The following ALG12 variants were observed in gnomAD, a reference collection of about 807,000 sequenced individuals.
The protein encoded by ALG12 is ALG12 alpha-1,6-mannosyltransferase, also known as dol-P-Man:Man(7)GlcNAc(2)-PP-Dol alpha-1,6-mannosyltransferase.
In ALG12, 36 loss-of-function variants were observed where a neutral mutation model predicts 46.0. That is an observed-to-expected ratio of 0.78 (90% confidence interval 0.60 to 1.03). The LOEUF is 1.03. Among genes scored for constraint, ALG12 ranks in the 50% least tolerant of loss-of-function variants. The probability of loss-of-function intolerance (pLI) is 0.00; values close to 1 mark genes in which losing one functional copy is unlikely to be tolerated. For missense variants in ALG12, 599 were observed against 633.5 expected, an observed-to-expected ratio of 0.95 and a Z score of 0.58; for synonymous variants, 326 against 291.6, an observed-to-expected ratio of 1.12 and a Z score of -1.20.
downstream of ALG12, among the ~76,000 whole-genome samples, chr22:49,895,371 GC>G (rs1327911220): frequency 6.6e-6 from 1 of 152,122 alleles, no homozygotes; most frequent in Non-Finnish European, 1.5e-5. Context: ...TTAAAAGTGG[GC>G]CAGGTGTGGT....
intron 7 of ALG12, among the ~76,000 whole-genome samples, chr22:49,907,419 G>C (rs59290303): frequency 6.6e-6 from 1 of 152,174 alleles, no homozygotes; most frequent in South Asian, 2.1e-4. Flanking sequence ...AGCCCTCAGG[G>C]AGGAGAGAGG....
At chr22:49,895,497 C>A (rs1434967273), downstream of ALG12, among the ~76,000 whole-genome samples, 3 of 151,610 alleles carry the variant, frequency 2.0e-5, no homozygotes, top group Non-Finnish European at 4.4e-5. Flanking sequence ...ACTAAAAATA[C>A]AAAAATTAGC....
intron 1 of ALG12, chr22:49,918,021 G>T: frequency 7.2e-6 from 1 of 138,622 alleles, no homozygotes; most frequent in Non-Finnish European, 1.6e-5. Flanking sequence ...CGGATGAGAG[G>T]TCCGGCCCCC....
the ALG12 span, among the ~76,000 whole-genome samples, chr22:49,894,391 A>G: frequency 6.6e-6 from 1 of 152,262 alleles, no homozygotes; most frequent in African/African-American, 2.4e-5. Context: ...GCAAACTCCA[A>G]TTAAGTGTGT....
At chr22:49,884,522 G>A in the ALG12 span, 2 of 1,614,042 alleles carry the variant, frequency 1.2e-6, no homozygotes, top group Non-Finnish European at 1.7e-6. Context: ...TCCAGGAGAA[G>A]GTCCGCTGTC....
At chr22:49,886,434 C>T in the ALG12 span, 47 of 1,584,684 alleles carry the variant, frequency 3.0e-5, no homozygotes, top group Admixed American at 8.7e-5. This position sits in a 1 kb window ranked among gnomAD's most constrained non-coding sequence, Gnocchi z 7.7. Context: ...TGATCAGCTG[C>T]GACCAGTGGG....
At chr22:49,886,335 G>A in the ALG12 span, 13 of 1,602,972 alleles carry the variant, frequency 8.1e-6, no homozygotes, top group Non-Finnish European at 1.1e-5. The surrounding 1 kb of genome is among the most constrained non-coding windows in gnomAD (Gnocchi z 7.7). Flanking sequence ...TCCCGTCCAA[G>A]TGGAGCACTT....
downstream of ALG12, among the ~76,000 whole-genome samples, chr22:49,896,525 TTG>T (rs2060484172): frequency 6.6e-6 from 1 of 152,222 alleles, no homozygotes; most frequent in African/African-American, 2.4e-5. Context: ...GTCCAGCCCA[TTG>T]TCTCTCTGCC....
At chr22:49,891,322 A>C in the ALG12 span, among the ~76,000 whole-genome samples, 1 of 152,250 alleles carries the variant, frequency 6.6e-6, no homozygotes, top group Admixed American at 6.5e-5. Context: ...TGATCTGGGC[A>C]CAACGGTTTT....
the ALG12 span, among the ~76,000 whole-genome samples, chr22:49,863,582 G>A: frequency 1.3e-5 from 2 of 151,100 alleles, no homozygotes; most frequent in African/African-American, 2.4e-5. Flanking sequence ...AGCTGAGATC[G>A]CGCCACCGCA....
chr22:49,910,461 G>T lies in ALG12; in HGVS notation c.442C>A (p.Leu148Met). 1 of 1,613,714 alleles carries T rather than the reference G, an allele frequency of 6.2e-7. No individual in the cohort carries two copies. Among genetic ancestry groups the T allele is most frequent in the Non-Finnish European group, 8.5e-7 (1 of 1,180,026 alleles). Residue 148 changes from leucine (L) to methionine (M), a missense_variant, in exon 4 of 10, where the codon CTG (leucine) becomes ATG (methionine). Leu to Met is a conservative substitution (Grantham distance 15, BLOSUM62 2). Transcript: ENST00000330817. Reference sequence around the variant, plus strand: ...ACAGGCAGGGCCAGCACATTGGGCAGTGTCCGCGTGCAGTAGAACATCAGG... The same window carrying T: ...ACAGGCAGGGCCAGCACATTGGGCATTGTCCGCGTGCAGTAGAACATCAGG... ...FHLMFYCTRT[L>M]PNVLALPVVL...
intron 4 of ALG12, 64 bp from the exon 5 acceptor site, chr22:49,910,152 G>A (rs1006038889): frequency 1.5e-5 from 23 of 1,505,808 alleles, no homozygotes; most frequent in East Asian, 1.5e-4. Flanking sequence ...GAAAACACCC[G>A]GGGAAGTGAA....
At chr22:49,869,624 C>G in the ALG12 span, among the ~76,000 whole-genome samples, 3 of 152,264 alleles carry the variant, frequency 2.0e-5, no homozygotes, top group Admixed American at 1.3e-4. Context: ...CTTAAAAAGT[C>G]AGCAGTGTAT....
At chr22:49,916,269 A>T (rs996953630) in intron 1 of ALG12, among the ~76,000 whole-genome samples, 4 of 148,982 alleles carry the variant, frequency 2.7e-5, no homozygotes, top group African/African-American at 9.9e-5. Flanking sequence ...AAATAAATAA[A>T]TTAATTAAAT....
the ALG12 span, among the ~76,000 whole-genome samples, chr22:49,875,980 G>GT: frequency 7.1e-6 from 1 of 141,280 alleles, no homozygotes; most frequent in East Asian, 2.1e-4. Context: ...CATCTTTATT[G>GT]TTTTTTTCTT....
At position 49,913,388 on chromosome 22, in the gene ALG12, T is replaced by C. The variant is rs753935020; in HGVS notation, c.292A>G (p.Ile98Val). ...LEMSKFYSQL[I>V]VRGVLGLGVI... ...CCTTTGTTGAAGACCCCCTTACCTA[T>C]TAGCTGAGAGTAAAACTTGGACATT... The change falls in exon 3 of 10, where the codon ATA (isoleucine) becomes GTA (valine). Residue 98 changes from isoleucine (I) to valine (V), a missense_variant. Physicochemically the swap from Ile to Val is conservative, Grantham distance 29. Coordinates refer to ENST00000330817, the MANE Select transcript of ALG12 (RefSeq NM_024105.4). The C allele has an allele frequency of 5.0e-6, 8 of 1,613,710 alleles. No homozygotes were observed. The East Asian group carries it at 1.8e-4, about 36-fold the overall frequency.
chr22:49,886,405 G>A, the ALG12 span: 20 of 1,605,238 alleles, frequency 1.2e-5, no homozygotes, highest in South Asian at 1.0e-4. The surrounding 1 kb of genome is among the most constrained non-coding windows in gnomAD (Gnocchi z 7.7). Context: ...GATGTCCGTC[G>A]AGTGTAACTT....
At chr22:49,895,225 T>C in the ALG12 span, among the ~76,000 whole-genome samples, 1 of 152,224 alleles carries the variant, frequency 6.6e-6, no homozygotes, top group Non-Finnish European at 1.5e-5. Context: ...GGCAGAGGCA[T>C]TTGCAGGGGT....
Position 49,903,795 on chromosome 22 carries a change from G to A in ALG12, c.*43C>T. On this transcript the variant is annotated 3_prime_UTR_variant, in exon 10 of 10. Transcript: ENST00000330817. ...GTGCCAGAAACTGGTAGTGATAACA[G>A]CTCCTGGAAGGCCTGTGGCTGCTGA... is the stretch of plus-strand genomic sequence containing the variant. The A allele has an allele frequency of 6.3e-7, 1 of 1,595,704 alleles. No individual in the cohort carries two copies. Among genetic ancestry groups the A allele is most frequent in the Non-Finnish European group, 8.6e-7 (1 of 1,163,496 alleles).
Sources: gnomAD v4.1 joint callset for allele counts (sites outside exome capture counted in the v4.1 genomes callset) on GRCh38, gnomAD v4.1.1 for gene constraint, Gnocchi (gnomAD v3.1) non-coding constraint, MANE v1.5 for transcripts, NCBI Gene and HGNC (gene_info 2026-07-23, HGNC 2026-07-21) for gene names.